Variants in ZDHHC7 observed in about 807,000 individuals in gnomAD.
ZDHHC7 encodes palmitoyltransferase ZDHHC7.
A neutral mutation model predicts 34.1 loss-of-function variants in ZDHHC7; 12 were observed. That is an observed-to-expected ratio of 0.35 (90% CI 0.23 to 0.57). The LOEUF (loss-of-function observed/expected upper bound fraction) is 0.57, where lower values mean the gene tolerates loss of function less well. ZDHHC7 is among the 20% of genes least tolerant of loss of function. The pLI, the probability that ZDHHC7 is intolerant of heterozygous loss-of-function variation, is 0.84. For missense variants in ZDHHC7, 388 were observed against 402.7 expected (o/e 0.96, Z 0.31); for synonymous variants, 185 against 155.4 (o/e 1.19, Z -1.42).
intron 3 of ZDHHC7, chr16:84,988,960 T>G: frequency 2.2e-6 from 3 of 1,346,870 alleles, no homozygotes; most frequent in Non-Finnish European, 3.1e-6. Context: ...CTGGGCACTT[T>G]GGGCAACAAA....
chr16:84,977,850 T>G, intron 6 of ZDHHC7, 74 bp downstream of exon 6: 1 of 1,208,920 alleles, frequency 8.3e-7, no homozygotes. Flanking sequence ...AAACTGGTTC[T>G]TCCTTTAAAG....
rs868269552 is a variant in ZDHHC7 at position 84,990,448 on chromosome 16, C to T, written c.171G>A (p.Leu57=). Residue 57 remains leucine (L), a synonymous_variant, in exon 3 of 8, where the codon CTG becomes CTA. Transcript: ENST00000313732. ...GMICAVMTWL[L]VAYADFVVTF... is the part of the protein sequence containing the mutation. ...TCACCACGAAGTCTGCATAGGCGAC[C>T]AGAAGCCACGTCATGACAGCACAGA... The T allele has an allele frequency of 6.2e-7, 1 of 1,614,120 alleles. No individual in the cohort carries two copies. Among genetic ancestry groups the T allele is most frequent in the East Asian group, 2.2e-5 (1 of 44,874 alleles).
At chr16:84,993,392 G>A (rs370992129) in intron 2 of ZDHHC7, among the ~76,000 whole-genome samples, 1 of 152,120 alleles carries the variant, frequency 6.6e-6, no homozygotes, top group African/African-American at 2.4e-5. Flanking sequence ...AGCACTTTAG[G>A]AGGCCAAGGT....
At chr16:84,983,166 T>C (rs1365478796) in intron 3 of ZDHHC7, among the ~76,000 whole-genome samples, 1 of 152,172 alleles carries the variant, frequency 6.6e-6, no homozygotes, top group Non-Finnish European at 1.5e-5. Context: ...ATCTGGAGAA[T>C]GAGACCCACG....
chr16:85,014,968 T>C (rs934955085), upstream of ZDHHC7, among the ~76,000 whole-genome samples: 1 of 152,142 alleles, frequency 6.6e-6, no homozygotes, highest in African/African-American at 2.4e-5. Flanking sequence ...GATTTTCTCA[T>C]TGGCAATTAG....
At chr16:85,010,439 C>A (rs539125609) in intron 1 of ZDHHC7, among the ~76,000 whole-genome samples, 1 of 152,152 alleles carries the variant, frequency 6.6e-6, no homozygotes, top group Non-Finnish European at 1.5e-5. Flanking sequence ...AATATTAATA[C>A]ACATTGACCT....
chr16:85,014,818 T>G (rs2143783024), upstream of ZDHHC7, among the ~76,000 whole-genome samples: 1 of 152,278 alleles, frequency 6.6e-6, no homozygotes, highest in Middle Eastern at 3.4e-3. Flanking sequence ...GGTCACAGTT[T>G]GGTTTTTGAC....
intron 2 of ZDHHC7, among the ~76,000 whole-genome samples, chr16:84,995,442 A>G (rs2072564110): frequency 6.6e-6 from 1 of 152,236 alleles, no homozygotes; most frequent in African/African-American, 2.4e-5. Context: ...CCTGGCCAAC[A>G]TGGTGAAACC....
At chr16:85,020,363 G>C in the ZDHHC7 span, among the ~76,000 whole-genome samples, 1 of 152,236 alleles carries the variant, frequency 6.6e-6, no homozygotes, top group Non-Finnish European at 1.5e-5. Flanking sequence ...AGTGAGCAAA[G>C]CTAGGCAAAG....
intron 1 of ZDHHC7, among the ~76,000 whole-genome samples, chr16:85,010,194 A>AT (rs1179433061): frequency 6.7e-6 from 1 of 149,392 alleles, no homozygotes; most frequent in Non-Finnish European, 1.5e-5. Flanking sequence ...TAATTTTTTA[A>AT]TTTTTTTGTA....
At chr16:85,006,657 T>A (rs1202030378) in intron 1 of ZDHHC7, among the ~76,000 whole-genome samples, 2 of 152,130 alleles carry the variant, frequency 1.3e-5, no homozygotes, top group Non-Finnish European at 2.9e-5. Context: ...GGAGGATCGC[T>A]TCAGCCCAGG....
intron 1 of ZDHHC7, among the ~76,000 whole-genome samples, chr16:85,006,157 G>C (rs1300739724): frequency 6.6e-6 from 1 of 152,096 alleles, no homozygotes; most frequent in African/African-American, 2.4e-5. Flanking sequence ...TGAGTTAAAA[G>C]ACCAGCCTGG....
At chr16:85,010,342 G>C (rs1184311681) in intron 1 of ZDHHC7, among the ~76,000 whole-genome samples, 1 of 152,078 alleles carries the variant, frequency 6.6e-6, no homozygotes, top group Non-Finnish European at 1.5e-5. Flanking sequence ...GCCACAAAGT[G>C]ACTAAAAGGT....
At chr16:84,977,595 G>C (rs1351772325) in intron 6 of ZDHHC7, among the ~76,000 whole-genome samples, 1 of 152,216 alleles carries the variant, frequency 6.6e-6, no homozygotes, top group Non-Finnish European at 1.5e-5. Flanking sequence ...GGATGAGCCT[G>C]TCCAGACCTC....
intron 1 of ZDHHC7, among the ~76,000 whole-genome samples, chr16:84,997,513 C>T (rs143339274): frequency 1.4e-3 from 204 of 150,288 alleles, no homozygotes; most frequent in African/African-American, 3.6e-3. Flanking sequence ...CCTCGTGATC[C>T]GCCCGCCTCG....
chr16:85,001,926 AT>A (rs201037337), intron 1 of ZDHHC7, among the ~76,000 whole-genome samples: 23,440 of 150,448 alleles, frequency 0.16, 2,381 homozygotes, highest in East Asian at 0.32. Flanking sequence ...GGCAAAAAAA[AT>A]AAATATATAT....
upstream of ZDHHC7, among the ~76,000 whole-genome samples, chr16:85,016,015 T>C (rs2072832632): frequency 6.6e-6 from 1 of 152,092 alleles, no homozygotes; most frequent in South Asian, 2.1e-4. Flanking sequence ...TGTGCCTAAA[T>C]TCCAACAGGA....
chr16:85,016,375 C>G (rs2072834186), upstream of ZDHHC7, among the ~76,000 whole-genome samples: 3 of 151,872 alleles, frequency 2.0e-5, no homozygotes, highest in Admixed American at 2.0e-4. Context: ...ATTTGCATTG[C>G]CTGTGCTTTT....
At position 85,004,193 on chromosome 16, in the gene ZDHHC7, C is replaced by T. The variant is rs117637998; in HGVS notation, c.-104+7093G>A. On this transcript the variant is annotated intron_variant, in intron 1 of 7. Coordinates refer to ENST00000313732, the MANE Select transcript of ZDHHC7 (RefSeq NM_017740.3). ...ATCTCAATCAACGGCACACCACACC[C>T]AAAAAAAAAGGCCCCGCCCTTCATG... Among the ~76,000 whole-genome samples, 49 of 150,386 alleles carry T rather than the reference C, an allele frequency of 3.3e-4. 1 individual carries two copies. The East Asian group carries it at 9.0e-3, about 28-fold the overall frequency.
Sources: allele counts gnomAD v4.1 joint callset (sites outside exome capture counted in the v4.1 genomes callset), GRCh38; gene constraint gnomAD v4.1.1; transcripts MANE v1.5; gene names NCBI Gene and HGNC (gene_info 2026-07-23, HGNC 2026-07-21).